The following PTPRT variants were observed in gnomAD, a reference collection of about 807,000 sequenced individuals.
PTPRT encodes the protein receptor-type tyrosine-protein phosphatase T.
Under a neutral mutation model 176.8 loss-of-function variants are expected in PTPRT, and 56 were observed. That is an observed-to-expected ratio of 0.32 (90% CI 0.26 to 0.40). PTPRT has a LOEUF of 0.40. Ranked by LOEUF, PTPRT falls within the 10% of genes least tolerant of loss-of-function variation. The pLI is 1.00. For missense variants in PTPRT, 1,540 were observed against 1,908.2 expected (o/e 0.81, Z 3.60); for synonymous variants, 783 against 739.0 (o/e 1.06, Z -0.96).
chr20:42,824,318 T>C (rs1412409060), intron 2 of PTPRT, among the ~76,000 whole-genome samples: 1 of 152,050 alleles, frequency 6.6e-6, no homozygotes, highest in Non-Finnish European at 1.5e-5. Context: ...TTTGTTTTGT[T>C]TTGTTTTTTT....
intron 2 of PTPRT, among the ~76,000 whole-genome samples, chr20:42,804,992 G>A (rs190279095): frequency 6.6e-6 from 1 of 152,244 alleles, no homozygotes; most frequent in Non-Finnish European, 1.5e-5. Context: ...TATGAATTTG[G>A]TGGGAACAGA....
At chr20:42,124,511 C>T (rs933338694) in intron 19 of PTPRT, among the ~76,000 whole-genome samples, 1 of 152,158 alleles carries the variant, frequency 6.6e-6, no homozygotes, top group African/African-American at 2.4e-5. Flanking sequence ...CCACGGCCTC[C>T]GGAGGCAGAG....
At chr20:42,811,910 T>C (rs1411833381) in intron 2 of PTPRT, among the ~76,000 whole-genome samples, 1 of 152,188 alleles carries the variant, frequency 6.6e-6, no homozygotes, top group East Asian at 1.9e-4. Context: ...CTTATGGATA[T>C]TACACTGCCT....
chr20:42,435,070 A>T (rs924067289), intron 9 of PTPRT, among the ~76,000 whole-genome samples: 20 of 152,110 alleles, frequency 1.3e-4, no homozygotes, highest in Non-Finnish European at 2.2e-4. Flanking sequence ...CAAATTTGAG[A>T]CCCTATTGTG....
At chr20:42,913,436 T>A (rs985358513) in intron 1 of PTPRT, among the ~76,000 whole-genome samples, 1 of 152,208 alleles carries the variant, frequency 6.6e-6, no homozygotes, top group Admixed American at 6.5e-5. Flanking sequence ...CCACACATTG[T>A]CTTTTCTGTC....
chr20:42,668,730 C>A (rs1021459165), intron 7 of PTPRT, among the ~76,000 whole-genome samples: 10 of 150,734 alleles, frequency 6.6e-5, no homozygotes, highest in Admixed American at 4.6e-4. Flanking sequence ...CTCGCTCTGT[C>A]GTCCAGGCTG....
intron 11 of PTPRT, among the ~76,000 whole-genome samples, chr20:42,350,214 G>GTTTTTTTTTTTTT (rs764181357): frequency 2.9e-4 from 17 of 58,298 alleles, no homozygotes; most frequent in Non-Finnish European, 4.6e-4. Context: ...GATGTTTCTT[G>GTTTTTTTTTTTTT]TTTTTTTTTT....
rs1000755953 is a variant in PTPRT at position 43,168,868 on chromosome 20, T to C, written c.88+20778A>G. On this transcript the variant is annotated intron_variant, in intron 1 of 30. Transcript: ENST00000373187. ...GTAAGAGCTTTCCAACTAGCTAAGG[T>C]TGATTCTTCAATTCAATGTACTACT... Among the ~76,000 whole-genome samples, 5 of 152,230 alleles carry C rather than the reference T, an allele frequency of 3.3e-5. No individual in the cohort carries two copies. The South Asian group carries it at 6.2e-4, about 19-fold the overall frequency.
At chr20:42,088,390 C>T (rs994286383) in intron 27 of PTPRT, among the ~76,000 whole-genome samples, 2 of 152,168 alleles carry the variant, frequency 1.3e-5, no homozygotes, top group African/African-American at 2.4e-5. Context: ...CTCTCCACTT[C>T]GTGGCCGAAG....
At chr20:42,787,830 G>A (rs2077314071) in intron 3 of PTPRT, among the ~76,000 whole-genome samples, 1 of 152,176 alleles carries the variant, frequency 6.6e-6, no homozygotes, top group Non-Finnish European at 1.5e-5. Context: ...CCCATTTCTT[G>A]TGAGTGTGTG....
chr20:42,951,427 G>A (rs996313725), intron 1 of PTPRT, among the ~76,000 whole-genome samples: 19 of 152,124 alleles, frequency 1.2e-4, no homozygotes, highest in African/African-American at 4.1e-4. Flanking sequence ...ATGGATGGAT[G>A]ATAGAGAAAT....
chr20:43,028,476 T>C (rs1986009935), intron 1 of PTPRT, among the ~76,000 whole-genome samples: 1 of 152,216 alleles, frequency 6.6e-6, no homozygotes, highest in Admixed American at 6.5e-5. Flanking sequence ...GCACTATCCT[T>C]ACCCCTGGTT....
At chr20:42,986,804 C>T (rs1172800943) in intron 1 of PTPRT, among the ~76,000 whole-genome samples, 2 of 152,144 alleles carry the variant, frequency 1.3e-5, no homozygotes, top group Admixed American at 1.3e-4. Flanking sequence ...CCTCCACACC[C>T]GACTGTGAAG....
chr20:42,432,815 G>A (rs1261489777), intron 9 of PTPRT, among the ~76,000 whole-genome samples: 1 of 152,050 alleles, frequency 6.6e-6, no homozygotes, highest in Non-Finnish European at 1.5e-5. Flanking sequence ...AGGATATCTC[G>A]TCATTTGGGG....
At chr20:42,368,155 A>G (rs1290994762) in intron 9 of PTPRT, among the ~76,000 whole-genome samples, 1 of 152,164 alleles carries the variant, frequency 6.6e-6, no homozygotes, top group African/African-American at 2.4e-5. Context: ...ACAACCTCCC[A>G]GGAGGCTTCC....
chr20:43,083,082 A>ATAAAGCCC (rs1253356426), intron 1 of PTPRT, among the ~76,000 whole-genome samples: 1 of 151,872 alleles, frequency 6.6e-6, no homozygotes, highest in African/African-American at 2.4e-5. Flanking sequence ...CAGCGCCCGA[A>ATAAAGCCC]TAAAGCCCTC....
At chr20:42,586,173 A>G (rs913251337) in intron 7 of PTPRT, among the ~76,000 whole-genome samples, 1 of 152,184 alleles carries the variant, frequency 6.6e-6, no homozygotes, top group African/African-American at 2.4e-5. Context: ...TGAAATATGC[A>G]CCTGTCAAAT....
At position 42,080,776 on chromosome 20, in the gene PTPRT, G is replaced by A; in HGVS notation, c.*103C>T. On this transcript the variant is annotated 3_prime_UTR_variant, in exon 31 of 31. Coordinates refer to ENST00000373187, the MANE Select transcript of PTPRT (RefSeq NM_007050.6). ...CCAGTCTTCTCCTTGGAGTCAGGCA[G>A]GGTGCCACCTCAGAGCTCCTGAGCC... The A allele has an allele frequency of 1.7e-6, 2 of 1,177,874 alleles. No individual in the cohort carries two copies. The highest frequency in any genetic ancestry group is 1.3e-6 in the Non-Finnish European group (1 of 799,544). The allele number at this position is 1,177,874 out of a possible 1,614,324, so 73.0% of individuals were successfully genotyped here.
intron 9 of PTPRT, among the ~76,000 whole-genome samples, chr20:42,430,101 T>C (rs1433437689): frequency 4.6e-5 from 7 of 152,228 alleles, no homozygotes; most frequent in African/African-American, 1.4e-4. Context: ...GATTTTGGTC[T>C]CTTCAGGGAG....
Sources: allele counts gnomAD v4.1 joint callset (sites outside exome capture counted in the v4.1 genomes callset), GRCh38; gene constraint gnomAD v4.1.1; transcripts MANE v1.5; gene names NCBI Gene and HGNC (gene_info 2026-07-23, HGNC 2026-07-21).